The following TCTN2 variants were observed in gnomAD, a reference collection of about 807,000 sequenced individuals.
The protein encoded by TCTN2 is tectonic-2.
Under a neutral mutation model 83.4 loss-of-function variants are expected in TCTN2, and 66 were observed. That is an observed-to-expected ratio of 0.79 (90% CI 0.65 to 0.97). TCTN2 has a LOEUF of 0.97. Among genes scored for constraint, TCTN2 ranks in the 50% least tolerant of loss-of-function variants. The probability of loss-of-function intolerance (pLI) is 0.00; values close to 1 mark genes in which losing one functional copy is unlikely to be tolerated. For missense variants in TCTN2, 794 were observed against 858.1 expected, an observed-to-expected ratio of 0.93 and a Z score of 0.93; for synonymous variants, 301 against 326.7, an observed-to-expected ratio of 0.92 and a Z score of 0.85.
intron 17 of TCTN2, 56 bp from the exon 18 acceptor site, chr12:123,707,548 C>A: frequency 6.6e-7 from 1 of 1,520,528 alleles, no homozygotes; most frequent in Non-Finnish European, 9.1e-7. Context: ...TATACCTACA[C>A]TGTTATCAAA....
chr12:123,703,048 C>G (rs1395833831), intron 14 of TCTN2, among the ~76,000 whole-genome samples: 1 of 152,174 alleles, frequency 6.6e-6, no homozygotes, highest in Non-Finnish European at 1.5e-5. Flanking sequence ...AATGCAAATT[C>G]ATTTCTCATT....
intron 4 of TCTN2, among the ~76,000 whole-genome samples, chr12:123,676,766 A>G (rs575765600): frequency 1.6e-4 from 25 of 152,296 alleles, no homozygotes; most frequent in African/African-American, 5.8e-4. Context: ...ATGGAAGCAC[A>G]GACAGGAGGT....
At chr12:123,698,486 G>A (rs1166525992) in intron 13 of TCTN2, among the ~76,000 whole-genome samples, 1 of 151,944 alleles carries the variant, frequency 6.6e-6, no homozygotes, top group Non-Finnish European at 1.5e-5. Context: ...CACCCAGACT[G>A]GAGCGCAGTG....
At chr12:123,707,207 G>A (rs1956241280) in intron 17 of TCTN2, 134 bp downstream of exon 17, 3 of 774,870 alleles carry the variant, frequency 3.9e-6, no homozygotes, top group Non-Finnish European at 6.4e-6. Flanking sequence ...ATTGCCACTT[G>A]GAAGTGATCA....
At chr12:123,672,001 C>T in intron 2 of TCTN2, 55 bp from the exon 3 acceptor site, 1 of 1,463,066 alleles carries the variant, frequency 6.8e-7, no homozygotes, top group Non-Finnish European at 9.6e-7. Flanking sequence ...TGACTCAATG[C>T]ACCCCCTGAG....
At position 123,695,165 on chromosome 12, in the gene TCTN2, A is replaced by T. The variant is rs551540883; in HGVS notation, c.1235-55A>T. 268 of 1,414,392 alleles carry T rather than the reference A, an allele frequency of 1.9e-4. 1 individual carries two copies. Among genetic ancestry groups the T allele is most frequent in the South Asian group, 2.3e-4 (20 of 86,364 alleles). The allele number at this position is 1,414,392 out of a possible 1,614,324, so 87.6% of individuals were successfully genotyped here. ...TTTAAGGTAAACACTATGGAGAATAATTTCTTTTCCTAGTGAAATGGTGCA... is the reference window on the plus strand; with the variant it reads ...TTTAAGGTAAACACTATGGAGAATATTTTCTTTTCCTAGTGAAATGGTGCA... On this transcript the variant is annotated intron_variant, in intron 10 of 17. Transcript: ENST00000303372.
intron 4 of TCTN2, among the ~76,000 whole-genome samples, chr12:123,678,657 T>C (rs940021831): frequency 6.6e-6 from 1 of 152,172 alleles, no homozygotes; most frequent in Non-Finnish European, 1.5e-5. Flanking sequence ...AGATCAACTA[T>C]GACTTCTTTG....
At chr12:123,678,413 T>C (rs73418125) in intron 4 of TCTN2, among the ~76,000 whole-genome samples, 8,334 of 152,292 alleles carry the variant, frequency 0.055, 446 homozygotes, top group African/African-American at 0.13. Context: ...GTAAAATATA[T>C]TAAGTTAATT....
intron 7 of TCTN2, among the ~76,000 whole-genome samples, chr12:123,690,244 TA>T (rs1255989113): frequency 6.6e-6 from 1 of 152,234 alleles, no homozygotes; most frequent in African/African-American, 2.4e-5. Context: ...AACATGAAGT[TA>T]AATATAGTCA....
In TCTN2 at chr12:123,688,008, A is replaced by T. The variant is rs7298831; in HGVS notation, c.765-43A>T. 631,936 of 1,608,040 alleles carry T rather than the reference A, an allele frequency of 0.39. 129,642 individuals carry two copies. Among genetic ancestry groups the T allele is most frequent in the African/African-American group, 0.55 (41,296 of 74,720 alleles). ...CAACATTAAGGAAGAATTGTGTTTT[A>T]GCAGATAACTGAAACTATTCAGCCT... is the stretch of plus-strand genomic sequence containing the variant. On this transcript the variant is annotated intron_variant, in intron 6 of 17. Transcript: ENST00000303372.
At chr12:123,699,682 G>C (rs892499323) in intron 13 of TCTN2, 22 bp from the exon 14 acceptor site, 14 of 1,592,892 alleles carry the variant, frequency 8.8e-6, no homozygotes, top group Non-Finnish European at 1.1e-5. Flanking sequence ...CATGAGCTGA[G>C]AAATGTCTTA....
Position 123,671,578 on chromosome 12 carries a change from G to T in TCTN2, c.154G>T (p.Val52Leu), listed in dbSNP as rs111661286. Residue 52 changes from valine (V) to leucine (L), a missense_variant, in exon 2 of 18, where the codon GTG (valine) becomes TTG (leucine). By Grantham distance (32) the Val-to-Leu change is conservative (BLOSUM62 1). Transcript: ENST00000303372. The stretch of plus-strand genomic sequence containing the variant: ...GTCCCTGGTCGGAGACACCGAGGGT[G>T]TGACCGTGTCCCTGGCAGTGCTGCA... ...SASLVGDTEG[V>L]TVSLAVLQDE... is the part of the protein sequence containing the mutation. 6.2e-7 allele frequency: 1 copy of T among 1,613,846 alleles called. No homozygotes were observed. The highest frequency in any genetic ancestry group is 1.3e-5 in the African/African-American group (1 of 75,046).
intron 7 of TCTN2, 70 bp from the exon 8 acceptor site, chr12:123,690,463 G>A (rs1956027089): frequency 6.2e-7 from 1 of 1,607,218 alleles, no homozygotes; most frequent in Admixed American, 1.7e-5. Flanking sequence ...CCAGTTTTAA[G>A]GGATGCTGAT....
intron 5 of TCTN2, among the ~76,000 whole-genome samples, chr12:123,682,641 C>T (rs1415127504): frequency 2.6e-5 from 4 of 151,884 alleles, no homozygotes; most frequent in Non-Finnish European, 4.4e-5. Flanking sequence ...GCCACCACGC[C>T]TGGCTAATTT....
intron 8 of TCTN2, among the ~76,000 whole-genome samples, chr12:123,691,588 T>C (rs1421072423): frequency 6.6e-6 from 1 of 152,164 alleles, no homozygotes; most frequent in Non-Finnish European, 1.5e-5. Flanking sequence ...CTGACTGTTG[T>C]GAATAGTGCT....
At chr12:123,696,394 T>G in intron 11 of TCTN2, 21 bp from the exon 12 acceptor site, 1 of 1,605,406 alleles carries the variant, frequency 6.2e-7, no homozygotes. Flanking sequence ...AGGCTCACGT[T>G]CCTTTGTTGT....
chr12:123,696,260 T>G, intron 11 of TCTN2, 155 bp from the exon 12 acceptor site: 1 of 675,260 alleles, frequency 1.5e-6, no homozygotes, highest in South Asian at 1.6e-5. Context: ...CTGTTTTTTT[T>G]GAGACCCGAA....
intron 4 of TCTN2, among the ~76,000 whole-genome samples, chr12:123,676,334 T>C (rs984359875): frequency 5.3e-5 from 8 of 151,678 alleles, no homozygotes; most frequent in Non-Finnish European, 1.0e-4. Context: ...TTTGGGAGGC[T>C]GAGGTGGGCG....
chr12:123,683,538 C>G (rs1955926042), intron 5 of TCTN2, among the ~76,000 whole-genome samples: 1 of 152,114 alleles, frequency 6.6e-6, no homozygotes, highest in Admixed American at 6.5e-5. Flanking sequence ...ACCTTGACTT[C>G]CCAAAGTGCT....
Sources: allele counts gnomAD v4.1 joint callset (sites outside exome capture counted in the v4.1 genomes callset), GRCh38; gene constraint gnomAD v4.1.1; transcripts MANE v1.5; gene names NCBI Gene and HGNC (gene_info 2026-07-23, HGNC 2026-07-21).